The following DLST variants were observed in gnomAD, a reference collection of about 807,000 sequenced individuals.
DLST encodes dihydrolipoyllysine-residue succinyltransferase component of 2-oxoglutarate dehydrogenase complex, mitochondrial.
In DLST, 17 loss-of-function variants were observed where a neutral mutation model predicts 53.1. The observed-to-expected ratio is 0.32, with a 90% confidence interval of 0.22 to 0.48. DLST has a LOEUF of 0.48. Ranked by LOEUF, DLST falls within the 20% of genes least tolerant of loss-of-function variation. DLST has a pLI of 0.99. For missense variants in DLST, 512 were observed against 583.9 expected, an observed-to-expected ratio of 0.88 and a Z score of 1.27; for synonymous variants, 206 against 204.8, an observed-to-expected ratio of 1.01 and a Z score of -0.05.
chr14:74,894,581 T>C (rs900312686), intron 10 of DLST, among the ~76,000 whole-genome samples, 172 bp downstream of exon 10: 1 of 152,194 alleles, frequency 6.6e-6, no homozygotes, highest in Non-Finnish European at 1.5e-5. Flanking sequence ...GGAGTCTCGC[T>C]GTCTCCCAGG....
rs781201164 is a variant in DLST, at chr14:74,900,320, A to G, written c.1007A>G (p.Glu336Gly). The G allele has an allele frequency of 6.2e-7, 1 of 1,614,000 alleles. No individual in the cohort carries two copies. The highest frequency in any genetic ancestry group is 8.5e-7 in the Non-Finnish European group (1 of 1,179,926). Residue 336 changes from glutamate to glycine, a missense_variant, in exon 13 of 15, where the codon GAA becomes GGA. Physicochemically the swap from Glu to Gly is moderately conservative, Grantham distance 98. Around this residue, in one of 4 missense-constraint regions of DLST, gnomAD observed 186 missense variants for 260.4 expected, o/e 0.71. Coordinates refer to ENST00000334220, the MANE Select transcript of DLST (RefSeq NM_001933.5). Reference protein sequence around the residue: ...GLVVPVIRNVEAMNFADIERT... With the variant: ...GLVVPVIRNVGAMNFADIERT... The stretch of plus-strand genomic sequence containing the variant: ...GTGGTTCCAGTCATCAGGAATGTGG[A>G]AGCTATGAATTTTGCAGATATTGAA...
chr14:74,894,187 C>T (rs80290383), intron 9 of DLST, 125 bp from the exon 10 acceptor site: 16 of 1,098,728 alleles, frequency 1.5e-5, no homozygotes, highest in South Asian at 9.8e-5. Context: ...GCCTGGAGCT[C>T]GTGTACTTAG....
chr14:74,896,576 G>C (rs1187646516), intron 10 of DLST, among the ~76,000 whole-genome samples: 1 of 152,202 alleles, frequency 6.6e-6, no homozygotes, highest in Non-Finnish European at 1.5e-5. Flanking sequence ...TCTGTGACCT[G>C]TTTTACTAGA....
chr14:74,900,175 A>C, intron 12 of DLST, 114 bp from the exon 13 acceptor site: 1 of 1,148,136 alleles, frequency 8.7e-7, no homozygotes, highest in South Asian at 1.2e-5. Flanking sequence ...TGTTAATCAC[A>C]CTGAGTAATG....
At position 74,893,338 on chromosome 14, in the gene DLST, T is replaced by C. The variant is rs1883972942; in HGVS notation, c.596-10T>C. On this transcript the variant is annotated splice_polypyrimidine_tract_variant and intron_variant, in intron 8 of 14. Coordinates refer to ENST00000334220, the MANE Select transcript of DLST (RefSeq NM_001933.5). ...TGTCTGATGCAGCTTTATCCTCTTT[T>C]CATTTTCAGTGTCTGCAGTAAAACC... 2 of 1,614,198 alleles carry C rather than the reference T, an allele frequency of 1.2e-6. No homozygotes were observed. The highest frequency in any genetic ancestry group is 1.3e-5 in the African/African-American group (1 of 75,052).
intron 9 of DLST, 56 bp downstream of exon 9, chr14:74,893,480 T>A: frequency 1.3e-6 from 2 of 1,594,264 alleles, no homozygotes; most frequent in Non-Finnish European, 1.7e-6. Context: ...TTGAGATTAG[T>A]GGAGTATGGG....
intron 10 of DLST, among the ~76,000 whole-genome samples, chr14:74,896,559 G>GT (rs1169737280): frequency 6.6e-6 from 1 of 152,198 alleles, no homozygotes. Context: ...ATTGTTCAGA[G>GT]TAGGGCTCTG....
In DLST at chr14:74,902,587, G is replaced by T. The variant is rs375174597; in HGVS notation, c.*257G>T. 1.2e-5 allele frequency: 4 copies of T among 330,096 alleles called. No homozygotes were observed. Among genetic ancestry groups the T allele is most frequent in the African/African-American group, 8.4e-5 (4 of 47,656 alleles). The allele number at this position is 330,096 out of a possible 1,614,324, so 20.4% of individuals were successfully genotyped here. Reference sequence around the variant, plus strand: ...CTTAAGAGAGAGAGCCTTAATGGATGCTCATTCATATTCCTGCCTTTCTTC... The same window carrying T: ...CTTAAGAGAGAGAGCCTTAATGGATTCTCATTCATATTCCTGCCTTTCTTC... On this transcript the variant is annotated 3_prime_UTR_variant, in exon 15 of 15. Transcript: ENST00000334220.
At chr14:74,900,566 A>G (rs1884212472) in intron 13 of DLST, among the ~76,000 whole-genome samples, 194 bp downstream of exon 13, 1 of 152,198 alleles carries the variant, frequency 6.6e-6, no homozygotes, top group Admixed American at 6.5e-5. Flanking sequence ...ATCTCATCAG[A>G]TGAGACCTGC....
chr14:74,898,440 T>C lies in DLST; in HGVS notation c.842T>C (p.Met281Thr), dbSNP rs1482070382. Residue 281 changes from methionine to threonine, a missense_variant, in exon 11 of 15, where the codon ATG (methionine) becomes ACG (threonine). Met to Thr is a moderately conservative substitution (Grantham distance 81). Coordinates refer to ENST00000334220, the MANE Select transcript of DLST (RefSeq NM_001933.5). The stretch of plus-strand genomic sequence containing the variant: ...AAACATAACCTCAAACTAGGCTTCA[T>C]GTCGGCATTTGTGAAGGCCTCAGCC... ...LKKHNLKLGF[M>T]SAFVKASAFA... 1.9e-6 allele frequency: 3 copies of C among 1,614,058 alleles called. No individual in the cohort carries two copies. Among genetic ancestry groups the C allele is most frequent in the South Asian group, 2.2e-5 (2 of 91,070 alleles).
chr14:74,889,693 T>C, intron 5 of DLST: 1 of 581,004 alleles, frequency 1.7e-6, no homozygotes. Flanking sequence ...CTCCTCTCAC[T>C]TCTTAAGTTT....
At chr14:74,897,779 C>T (rs990925198) in intron 10 of DLST, among the ~76,000 whole-genome samples, 6 of 152,156 alleles carry the variant, frequency 3.9e-5, no homozygotes, top group Admixed American at 6.5e-5. Flanking sequence ...TATGACTTTC[C>T]GTGGGCCTGA....
At position 74,900,183 on chromosome 14, in the gene DLST, A is replaced by G. The variant is rs549863939; in HGVS notation, c.976-106A>G. On this transcript the variant is annotated intron_variant, in intron 12 of 14. Coordinates refer to ENST00000334220, the MANE Select transcript of DLST (RefSeq NM_001933.5). ...CACTTTCTGTTAATCACACTGAGTA[A>G]TGAAGGTATTCTAGGGAGGGCATAC... The G allele has an allele frequency of 6.1e-6, 7 of 1,155,716 alleles. No homozygotes were observed. The African/African-American group carries it at 9.0e-5, about 15-fold the overall frequency. The allele number at this position is 1,155,716 out of a possible 1,614,324, so 71.6% of individuals were successfully genotyped here.
intron 7 of DLST, chr14:74,891,716 A>T (rs916805760): frequency 2.0e-6 from 2 of 984,944 alleles, no homozygotes; most frequent in Non-Finnish European, 2.4e-6. Context: ...ACTCTTAGTT[A>T]AATTTTATAA....
chr14:74,882,734 C>T (rs1883570242), intron 2 of DLST, 110 bp downstream of exon 2: 8 of 1,005,952 alleles, frequency 8.0e-6, no homozygotes, highest in Middle Eastern at 2.1e-4. Flanking sequence ...CAGTTTGGTT[C>T]AGAGAGTAGT....
Position 74,882,636 on chromosome 14 carries a change from C to T in DLST, c.97+12C>T, listed in dbSNP as rs769729583. On this transcript the variant is annotated intron_variant, in intron 2 of 14. Coordinates refer to ENST00000334220, the MANE Select transcript of DLST (RefSeq NM_001933.5). ...ACGTTCCCTGCCTGGTAAGTTCTGC[C>T]CTTACCGTCACCTAAAATGCTCTCC... The T allele has an allele frequency of 1.6e-5, 26 of 1,613,370 alleles. No individual in the cohort carries two copies. In the African/African-American group the frequency reaches 3.3e-4, roughly 21 times the overall value.
chr14:74,887,577 T>C (rs1044685750), intron 3 of DLST, among the ~76,000 whole-genome samples: 1 of 152,158 alleles, frequency 6.6e-6, no homozygotes, highest in Non-Finnish European at 1.5e-5. Context: ...TTTTTACTAA[T>C]AGTATTATAT....
intron 10 of DLST, among the ~76,000 whole-genome samples, chr14:74,895,481 C>T (rs1402509403): frequency 1.3e-5 from 2 of 152,172 alleles, no homozygotes; most frequent in East Asian, 1.9e-4. Flanking sequence ...AGACGCTGGG[C>T]ACCATGGCTC....
Position 74,889,103 on chromosome 14 carries a change from A to G in DLST, c.155A>G (p.Asn52Ser). Residue 52 changes from asparagine (N) to serine (S), a missense_variant, in exon 4 of 15, where the codon AAC (asparagine) becomes AGC (serine). By Grantham distance (46) the Asn-to-Ser change is conservative. Transcript: ENST00000334220. ...YPNSRKVVIN[N>S]SVFSVRFFRT... ...GTGTGTTTCTTTTGTAGCATTAACA[A>G]CAGTGTCTTCAGTGTTCGCTTTTTC... The G allele has an allele frequency of 1.2e-6, 2 of 1,614,176 alleles. No individual in the cohort carries two copies. The highest frequency in any genetic ancestry group is 1.7e-6 in the Non-Finnish European group (2 of 1,180,042).
Sources: allele counts gnomAD v4.1 joint callset (sites outside exome capture counted in the v4.1 genomes callset), GRCh38; gene constraint gnomAD v4.1.1; regional missense constraint gnomAD v4.1.1; transcripts MANE v1.5; gene names NCBI Gene and HGNC (gene_info 2026-07-23, HGNC 2026-07-21).